MMD: variants seen among roughly 807,000 people sequenced by gnomAD.
MMD encodes the protein monocyte to macrophage differentiation associated.
MMD carries 22 observed loss-of-function variants against 33.6 expected under a neutral mutation model. That is an observed-to-expected ratio of 0.66 (90% CI 0.47 to 0.94). The LOEUF (loss-of-function observed/expected upper bound fraction) is 0.94, where lower values mean the gene tolerates loss of function less well. MMD is among the 40% of genes least tolerant of loss of function. The pLI is 0.00. For missense variants in MMD, 242 were observed against 309.8 expected (o/e 0.78, Z 1.64); for synonymous variants, 97 against 103.2 (o/e 0.94, Z 0.36).
chr17:55,394,513 C>A lies in MMD; in HGVS notation c.538G>T (p.Glu180Ter). ...TSMNNTDGLQ[E>*]LACGGLIYCL... ...TAAATTAAGCCCCCACAGGCAAGTT[C>A]CTGAAGTCCATCGGTGTTGTTCTGT... Residue 180 changes from glutamate (E) to a stop codon, truncating the protein, a stop_gained, in exon 7 of 7, where the codon GAA becomes TAA. Coordinates refer to ENST00000262065, the MANE Select transcript of MMD (RefSeq NM_012329.3). LOFTEE classifies it high-confidence loss of function. 1 of 1,515,598 alleles carries A rather than the reference C, an allele frequency of 6.6e-7. No individual in the cohort carries two copies. Among genetic ancestry groups the A allele is most frequent in the South Asian group, 1.3e-5 (1 of 75,420 alleles). 93.9% of individuals were successfully genotyped at this position (1,515,598 alleles called of 1,614,324 possible). A position where few individuals can be genotyped will look rare whatever the true frequency, so the allele number is the denominator to read the frequency against.
chr17:55,411,306 T>C lies in MMD; in HGVS notation c.220A>G (p.Ile74Val), dbSNP rs1907751927. The C allele has an allele frequency of 1.2e-6, 2 of 1,614,092 alleles. No homozygotes were observed. The highest frequency in any genetic ancestry group is 2.2e-5 in the East Asian group (1 of 44,888). Residue 74 changes from isoleucine to valine, a missense_variant, in exon 3 of 7, where the codon ATC becomes GTC. Coordinates refer to ENST00000262065, the MANE Select transcript of MMD (RefSeq NM_012329.3). ...IYGMGLCALF[I>V]VSTVFHIVSW... ...ACAATGTGAAATACTGTAGAAACGA[T>C]GAAGAGGGCACAGAGTCCCATTCCA...
intron 6 of MMD, among the ~76,000 whole-genome samples, chr17:55,396,678 TGA>T (rs1907113705): frequency 6.6e-6 from 1 of 151,512 alleles, no homozygotes; most frequent in East Asian, 1.9e-4. Context: ...GTGCAGTGCA[TGA>T]TCTCAGCTCA....
chr17:55,417,871 T>C (rs1908030188), intron 1 of MMD, among the ~76,000 whole-genome samples: 1 of 152,134 alleles, frequency 6.6e-6, no homozygotes. Context: ...GCCTCTGGCT[T>C]CCCAAAGTGC....
chr17:55,410,306 T>A (rs1907712252), intron 3 of MMD, among the ~76,000 whole-genome samples: 1 of 152,226 alleles, frequency 6.6e-6, no homozygotes, highest in South Asian at 2.1e-4. Flanking sequence ...AGCATATATT[T>A]TAAATATCAG....
chr17:55,416,733 AG>A (rs1173893323), intron 1 of MMD, among the ~76,000 whole-genome samples: 2 of 152,188 alleles, frequency 1.3e-5, no homozygotes, highest in East Asian at 3.9e-4. Flanking sequence ...AGAATGGGAA[AG>A]GTTCAAGTGC....
chr17:55,411,911 T>C (rs1316692906), intron 2 of MMD, among the ~76,000 whole-genome samples: 4 of 152,096 alleles, frequency 2.6e-5, no homozygotes, highest in Non-Finnish European at 5.9e-5. Context: ...ACTCTGTATC[T>C]ACAAAAATTT....
chr17:55,416,846 G>A (rs1907985456), intron 1 of MMD, among the ~76,000 whole-genome samples: 1 of 152,112 alleles, frequency 6.6e-6, no homozygotes, highest in Admixed American at 6.5e-5. Flanking sequence ...GCTCTAGAGG[G>A]TTTGAAGGAA....
intron 1 of MMD, 33 bp from the exon 2 acceptor site, chr17:55,414,265 A>G: frequency 6.2e-7 from 1 of 1,600,492 alleles, no homozygotes; most frequent in Non-Finnish European, 8.6e-7. Context: ...TGTAAGAAAA[A>G]CTCAAAGTGT....
chr17:55,409,533 A>G (rs1267049077), intron 3 of MMD, among the ~76,000 whole-genome samples: 1 of 152,222 alleles, frequency 6.6e-6, no homozygotes, highest in Non-Finnish European at 1.5e-5. Flanking sequence ...ACATTAAATG[A>G]GATAATGTAG....
At chr17:55,403,201 T>C (rs1241474179) in intron 5 of MMD, among the ~76,000 whole-genome samples, 1 of 152,240 alleles carries the variant, frequency 6.6e-6, no homozygotes, top group African/African-American at 2.4e-5. Context: ...AGAGCAAAGA[T>C]ACTAAATTTC....
intron 1 of MMD, among the ~76,000 whole-genome samples, chr17:55,415,884 A>G (rs1409793175): frequency 6.6e-6 from 1 of 152,244 alleles, no homozygotes; most frequent in African/African-American, 2.4e-5. Flanking sequence ...CTATTCTCAA[A>G]TATAGTTAAC....
At position 55,401,558 on chromosome 17, in the gene MMD, G is replaced by A. The variant is rs994324936; in HGVS notation, c.447-20C>T. On this transcript the variant is annotated intron_variant, in intron 5 of 6. Coordinates refer to ENST00000262065, the MANE Select transcript of MMD (RefSeq NM_012329.3). Reference sequence around the variant, plus strand: ...TTATATCTGCAGGAACAAAAATGCAGTTAATTTAACTTATAAATTTCTATA... The same window carrying A: ...TTATATCTGCAGGAACAAAAATGCAATTAATTTAACTTATAAATTTCTATA... 1.3e-6 allele frequency: 2 copies of A among 1,584,956 alleles called. No individual in the cohort carries two copies. Among genetic ancestry groups the A allele is most frequent in the Non-Finnish European group, 1.7e-6 (2 of 1,163,882 alleles).
chr17:55,414,012 C>G, intron 2 of MMD, 139 bp downstream of exon 2: 1 of 776,720 alleles, frequency 1.3e-6, no homozygotes, highest in Non-Finnish European at 2.2e-6. Flanking sequence ...GGTGACACGA[C>G]CCAGAACTGA....
At chr17:55,402,802 C>T (rs919043045) in intron 5 of MMD, among the ~76,000 whole-genome samples, 2 of 152,182 alleles carry the variant, frequency 1.3e-5, no homozygotes, top group Non-Finnish European at 2.9e-5. Flanking sequence ...ATATATAACA[C>T]TACTCAGCAT....
At chr17:55,400,310 G>A (rs1907276215) in intron 6 of MMD, among the ~76,000 whole-genome samples, 1 of 152,134 alleles carries the variant, frequency 6.6e-6, no homozygotes, top group African/African-American at 2.4e-5. Flanking sequence ...CACTTTGGGA[G>A]GCCGAGGCAG....
At chr17:55,407,299 A>AAAT (rs1907591496) in intron 4 of MMD, among the ~76,000 whole-genome samples, 177 of 142,648 alleles carry the variant, frequency 1.2e-3, no homozygotes, top group Admixed American at 3.5e-3. Context: ...ACTCCATCTC[A>AAAT]AAATAAATAA....
At chr17:55,403,898 A>C in intron 4 of MMD, 30 bp from the exon 5 acceptor site, 2 of 1,519,594 alleles carry the variant, frequency 1.3e-6, no homozygotes, top group Non-Finnish European at 1.8e-6. Flanking sequence ...AACAAAGAAC[A>C]GAAGTGATAA....
At chr17:55,404,406 A>T (rs931851374) in intron 4 of MMD, 18 of 920,570 alleles carry the variant, frequency 2.0e-5, no homozygotes, top group Admixed American at 6.2e-5. Flanking sequence ...ACCAGCTAAA[A>T]GCAGACAAGT....
rs1907733025 is a variant in MMD, at chr17:55,410,895, T to TCCAA, written c.269+358_269+361dup. 2.0e-5 allele frequency among the ~76,000 whole-genome samples: 3 copies of TCCAA among 152,206 alleles called. No homozygotes were observed. In the South Asian group the frequency reaches 6.2e-4, roughly 32 times the overall value. ...TGGGCCTCAAAGCCTGCCTGCTGAC[T>TCCAA]CCAAGCTCAGTGTGCTTTGTCACTA... On this transcript the variant is annotated intron_variant, in intron 3 of 6. Transcript: ENST00000262065.
Sources: allele counts gnomAD v4.1 joint callset (sites outside exome capture counted in the v4.1 genomes callset), GRCh38; gene constraint gnomAD v4.1.1; transcripts MANE v1.5; gene names NCBI Gene and HGNC (gene_info 2026-07-23, HGNC 2026-07-21).